The following FAM89A variants were observed in gnomAD, a reference collection of about 807,000 sequenced individuals.
FAM89A encodes protein FAM89A.
In FAM89A, 10 loss-of-function variants were observed where a neutral mutation model predicts 7.1. That is an observed-to-expected ratio of 1.40 (90% CI 0.86 to 2.38). The LOEUF is 2.38. Ranked by LOEUF, FAM89A falls within the 30% of genes most tolerant of loss-of-function variation. The pLI is 0.00. For missense variants in FAM89A, 276 were observed against 262.8 expected (o/e 1.05, Z -0.35); for synonymous variants, 157 against 129.3 (o/e 1.21, Z -1.45).
intron 1 of FAM89A, among the ~76,000 whole-genome samples, chr1:231,029,024 T>TA (rs1398592107): frequency 6.6e-6 from 1 of 152,174 alleles, no homozygotes; most frequent in African/African-American, 2.4e-5. Flanking sequence ...AGTCTCTGAG[T>TA]ATCTCTGGAG....
chr1:231,023,156 A>C (rs1478926774), intron 1 of FAM89A, among the ~76,000 whole-genome samples: 2 of 152,100 alleles, frequency 1.3e-5, no homozygotes, highest in African/African-American at 4.8e-5. Context: ...TGCCCAGGTC[A>C]CTGTTGCCCC....
In FAM89A at chr1:231,019,052, G is replaced by A. The variant is rs1490314243; in HGVS notation, c.*811C>T. The A allele has an allele frequency of 1.3e-5, 2 of 152,120 alleles. No individual in the cohort carries two copies. The highest frequency in any genetic ancestry group is 2.4e-5 in the African/African-American group (1 of 41,418). The allele number at this position is 152,120 out of a possible 1,614,324, so 9.4% of individuals were successfully genotyped here. The stretch of plus-strand genomic sequence containing the variant: ...TATATTAAGGCTTAAGGTAATTACT[G>A]GTTTGAGTGGCGGGTGGTTTGCTTT... On this transcript the variant is annotated 3_prime_UTR_variant, in exon 2 of 2. Transcript: ENST00000366654.
intron 1 of FAM89A, chr1:231,021,812 G>T: frequency 6.2e-7 from 1 of 1,602,440 alleles, no homozygotes; most frequent in Non-Finnish European, 8.5e-7. Context: ...TGACTCTGTT[G>T]TGATTGTTGA....
chr1:231,029,346 G>A (rs770768936), intron 1 of FAM89A, among the ~76,000 whole-genome samples: 1 of 151,942 alleles, frequency 6.6e-6, no homozygotes, highest in African/African-American at 2.4e-5. Context: ...TTAAAAATTG[G>A]CTGGGTGTGG....
At chr1:231,029,507 A>T (rs1680034913) in intron 1 of FAM89A, among the ~76,000 whole-genome samples, 1 of 152,152 alleles carries the variant, frequency 6.6e-6, no homozygotes, top group African/African-American at 2.4e-5. Context: ...AAAGAAAAAA[A>T]AAAAGAATGA....
chr1:231,020,872 C>T (rs1679863949), intron 1 of FAM89A, among the ~76,000 whole-genome samples: 1 of 152,196 alleles, frequency 6.6e-6, no homozygotes, highest in Non-Finnish European at 1.5e-5. Flanking sequence ...CAGTTCCTCC[C>T]TCCCCCACCA....
intron 1 of FAM89A, 104 bp from the exon 2 acceptor site, chr1:231,020,230 C>T: frequency 1.7e-6 from 2 of 1,182,818 alleles, no homozygotes; most frequent in Non-Finnish European, 2.3e-6. Flanking sequence ...ACATTCCTTC[C>T]ACACGGCGCA....
At chr1:231,031,724 T>C (rs1477423420) in intron 1 of FAM89A, among the ~76,000 whole-genome samples, 17 of 152,238 alleles carry the variant, frequency 1.1e-4, no homozygotes, top group Non-Finnish European at 2.4e-4. Context: ...TTCTCTACTG[T>C]TACCACATAC....
rs1212243256 is a variant in FAM89A, at chr1:231,022,213, T to C, written c.292-2087A>G. ...TTCAGAGACGCCCAGGAGAGACGGA[T>C]GGACAATCAGGTTCTCCAGTGGTAT... On this transcript the variant is annotated intron_variant, in intron 1 of 1. Coordinates refer to ENST00000366654, the MANE Select transcript of FAM89A (RefSeq NM_198552.3). 3 of 966,604 alleles carry C rather than the reference T, an allele frequency of 3.1e-6. No homozygotes were observed. The African/African-American group carries it at 4.8e-5, about 15-fold the overall frequency. The allele number at this position is 966,604 out of a possible 1,614,324, so 59.9% of individuals were successfully genotyped here.
chr1:231,022,702 C>T (rs1438709907), intron 1 of FAM89A, among the ~76,000 whole-genome samples: 1 of 152,176 alleles, frequency 6.6e-6, no homozygotes. Flanking sequence ...CGTGATTCTG[C>T]CTGCACCTTA....
At position 231,029,491 on chromosome 1, in the gene FAM89A, CAAAAAAAAGAAA is replaced by C. The variant is rs1680033219; in HGVS notation, c.292-9377_292-9366del. Among the ~76,000 whole-genome samples the C allele has an allele frequency of 2.0e-5, 3 of 146,622 alleles. No individual in the cohort carries two copies. In the East Asian group the frequency reaches 6.0e-4, roughly 29 times the overall value. On this transcript the variant is annotated intron_variant, in intron 1 of 1. Coordinates refer to ENST00000366654, the MANE Select transcript of FAM89A (RefSeq NM_198552.3). ...TGGGCAACAGAGCAAGACCCTGTCT[CAAAAAAAAGAAA>C]AAAAAAAAGAATGACAAAGGCCCTT...
At chr1:231,033,278 G>A (rs1243587670) in intron 1 of FAM89A, among the ~76,000 whole-genome samples, 2 of 152,232 alleles carry the variant, frequency 1.3e-5, no homozygotes, top group East Asian at 3.8e-4. Context: ...GCCAGCCTCG[G>A]GGGATCGCTT....
Position 231,019,821 on chromosome 1 carries a change from G to A in FAM89A, c.*42C>T. ...GCAGCAAATGATGACAGCGTGTCCA[G>A]TAGGAAGGGCTTCCCAACAGTCACA... On this transcript the variant is annotated 3_prime_UTR_variant, in exon 2 of 2. Transcript: ENST00000366654. The A allele has an allele frequency of 6.3e-7, 1 of 1,592,746 alleles. No individual in the cohort carries two copies. The highest frequency in any genetic ancestry group is 1.7e-5 in the Admixed American group (1 of 58,852).
chr1:231,024,593 G>T (rs1679931898), intron 1 of FAM89A, among the ~76,000 whole-genome samples: 1 of 151,006 alleles, frequency 6.6e-6, no homozygotes, highest in African/African-American at 2.4e-5. Context: ...CAGGAGTGTG[G>T]TGGTATGATC....
In FAM89A at chr1:231,039,993, CCCG is replaced by C. The variant is rs1300420311; in HGVS notation, c.216_218del (p.Gly73del). On this transcript the variant is annotated inframe_deletion, in exon 1 of 2. Coordinates refer to ENST00000366654, the MANE Select transcript of FAM89A (RefSeq NM_198552.3). ...TGGCGGGCAGCGCTGCCGCCCGGGC[CCCG>C]CCGCCGCCCGGGCCCCCGCGGCTCA... The C allele has an allele frequency of 4.3e-6, 6 of 1,385,112 alleles. No individual in the cohort carries two copies. Among genetic ancestry groups the C allele is most frequent in the South Asian group, 1.6e-5 (1 of 61,014 alleles). The allele number at this position is 1,385,112 out of a possible 1,614,324, so 85.8% of individuals were successfully genotyped here.
intron 1 of FAM89A, among the ~76,000 whole-genome samples, chr1:231,023,935 T>A (rs1359118919): frequency 6.6e-6 from 1 of 152,242 alleles, no homozygotes; most frequent in African/African-American, 2.4e-5. Flanking sequence ...TTAAGTTTTA[T>A]CCTTGAAGAC....
chr1:231,021,586 G>A (rs1385624493), intron 1 of FAM89A: 2 of 1,344,818 alleles, frequency 1.5e-6, no homozygotes, highest in Admixed American at 3.4e-5. Context: ...TTTCTGTTAG[G>A]AAACGAAAGG....
intron 1 of FAM89A, among the ~76,000 whole-genome samples, chr1:231,027,668 G>A (rs1679997432): frequency 6.6e-6 from 1 of 152,192 alleles, no homozygotes; most frequent in Non-Finnish European, 1.5e-5. Flanking sequence ...ATTTTCTAGA[G>A]GGAGGTGGAA....
At chr1:231,038,706 T>C (rs1053157769) in intron 1 of FAM89A, among the ~76,000 whole-genome samples, 2 of 152,228 alleles carry the variant, frequency 1.3e-5, no homozygotes, top group African/African-American at 2.4e-5. Context: ...GAAGACAATA[T>C]CTCTTTGATT....
Sources: allele counts gnomAD v4.1 joint callset (sites outside exome capture counted in the v4.1 genomes callset), GRCh38; gene constraint gnomAD v4.1.1; transcripts MANE v1.5; gene names NCBI Gene and HGNC (gene_info 2026-07-23, HGNC 2026-07-21).